BASP1: variants seen among roughly 807,000 people sequenced by gnomAD.
The protein encoded by BASP1 is brain abundant membrane attached signal protein 1.
In BASP1, 1 loss-of-function variant was observed where a neutral mutation model predicts 2.2. That is an observed-to-expected ratio of 0.46 (90% CI 0.16 to 2.17). The LOEUF is 2.17. Among genes scored for constraint, BASP1 ranks in the 30% most tolerant of loss-of-function variants. The probability of loss-of-function intolerance (pLI) is 0.27; values close to 1 mark genes in which losing one functional copy is unlikely to be tolerated. For missense variants in BASP1, 352 were observed against 327.2 expected (o/e 1.08, Z -0.58); for synonymous variants, 187 against 154.2 (o/e 1.21, Z -1.58).
At chr5:17,263,753 T>C (rs983578031) in intron 1 of BASP1, among the ~76,000 whole-genome samples, 1 of 152,244 alleles carries the variant, frequency 6.6e-6, no homozygotes, top group Non-Finnish European at 1.5e-5. Context: ...TTGTTGCATA[T>C]CTTTATCATA....
At chr5:17,274,288 A>ACTGGCTTTTT (rs1169470336) in intron 1 of BASP1, among the ~76,000 whole-genome samples, 37 of 152,226 alleles carry the variant, frequency 2.4e-4, no homozygotes, top group South Asian at 6.2e-4. Flanking sequence ...TATGTCAGAC[A>ACTGGCTTTTT]CAGCCAGCAA....
At chr5:17,229,403 G>T (rs1739576348) in intron 1 of BASP1, among the ~76,000 whole-genome samples, 1 of 152,146 alleles carries the variant, frequency 6.6e-6, no homozygotes. Context: ...GAGGGGAGGG[G>T]AAAGAAAGCC....
intron 1 of BASP1, among the ~76,000 whole-genome samples, chr5:17,264,678 A>G (rs1285696006): frequency 2.6e-5 from 4 of 152,222 alleles, no homozygotes; most frequent in African/African-American, 4.8e-5. Context: ...TGAAGCTGCA[A>G]TCAAACCAGA....
chr5:17,255,013 A>C (rs977195980), intron 1 of BASP1, among the ~76,000 whole-genome samples: 2 of 152,198 alleles, frequency 1.3e-5, no homozygotes, highest in African/African-American at 2.4e-5. Flanking sequence ...CTTCGAACTG[A>C]CGAAGGTGTA....
chr5:17,227,244 C>G (rs1428033963), intron 1 of BASP1, among the ~76,000 whole-genome samples: 2 of 117,994 alleles, frequency 1.7e-5, no homozygotes, highest in Non-Finnish European at 3.6e-5. Flanking sequence ...TCTTTTTAGA[C>G]AGTCTCACTC....
chr5:17,230,388 C>A (rs920508259), intron 1 of BASP1, among the ~76,000 whole-genome samples: 1 of 151,926 alleles, frequency 6.6e-6, no homozygotes, highest in East Asian at 1.9e-4. Flanking sequence ...AAGTGTGTGT[C>A]GGGAATCATG....
chr5:17,252,979 G>T (rs1740131430), intron 1 of BASP1, among the ~76,000 whole-genome samples: 1 of 152,138 alleles, frequency 6.6e-6, no homozygotes, highest in South Asian at 2.1e-4. Context: ...CTGATAATAG[G>T]TCAATGAATG....
chr5:17,227,181 G>C (rs1235017124), intron 1 of BASP1, among the ~76,000 whole-genome samples: 1 of 150,508 alleles, frequency 6.6e-6, no homozygotes, highest in Non-Finnish European at 1.5e-5. Context: ...CACCTGTCTT[G>C]GCCTCCCAAA....
chr5:17,273,173 T>A (rs984438750), intron 1 of BASP1, among the ~76,000 whole-genome samples: 1 of 152,210 alleles, frequency 6.6e-6, no homozygotes, highest in Non-Finnish European at 1.5e-5. Context: ...TACTGACTAG[T>A]TAAGAATTCA....
intron 1 of BASP1, among the ~76,000 whole-genome samples, chr5:17,273,502 C>T (rs1363157003): frequency 6.6e-6 from 1 of 152,080 alleles, no homozygotes; most frequent in Admixed American, 6.6e-5. Flanking sequence ...CTTTTCTCTT[C>T]CCCCAACTAC....
intron 1 of BASP1, among the ~76,000 whole-genome samples, chr5:17,242,220 T>G (rs1479031760): frequency 6.6e-6 from 1 of 152,232 alleles, no homozygotes; most frequent in African/African-American, 2.4e-5. Context: ...GATCAATGAC[T>G]CAGTTGTTAT....
At chr5:17,256,727 T>C (rs896447956) in intron 1 of BASP1, among the ~76,000 whole-genome samples, 1 of 152,186 alleles carries the variant, frequency 6.6e-6, no homozygotes, top group Non-Finnish European at 1.5e-5. Context: ...TGAATGATAT[T>C]GGCTGCTTTT....
chr5:17,241,742 G>A (rs1332263721), intron 1 of BASP1, among the ~76,000 whole-genome samples: 1 of 152,172 alleles, frequency 6.6e-6, no homozygotes, highest in Non-Finnish European at 1.5e-5. Context: ...GTCCCTCGAT[G>A]TTCTCTCCTG....
At chr5:17,227,261 C>T (rs575649965) in intron 1 of BASP1, among the ~76,000 whole-genome samples, 15 of 151,738 alleles carry the variant, frequency 9.9e-5, no homozygotes, top group Non-Finnish European at 1.3e-4. Flanking sequence ...ACTCTGTCGC[C>T]CAGGCTGGAG....
At chr5:17,230,046 C>G (rs1036555164) in intron 1 of BASP1, among the ~76,000 whole-genome samples, 8 of 152,148 alleles carry the variant, frequency 5.3e-5, no homozygotes, top group African/African-American at 1.9e-4. Context: ...GCTACCGCAC[C>G]TGGCCCAGAC....
chr5:17,240,606 A>G (rs1483099325), intron 1 of BASP1: 1 of 152,180 alleles, frequency 6.6e-6, no homozygotes, highest in East Asian at 1.9e-4. Context: ...AAAAAGAGAA[A>G]TAATGTGCCC....
chr5:17,250,847 G>T (rs1388530360), intron 1 of BASP1, among the ~76,000 whole-genome samples: 1 of 151,838 alleles, frequency 6.6e-6, no homozygotes, highest in Non-Finnish European at 1.5e-5. Flanking sequence ...CTCGTGATCC[G>T]CCCGCCTCGG....
At chr5:17,264,613 T>G (rs1740379383) in intron 1 of BASP1, among the ~76,000 whole-genome samples, 1 of 152,222 alleles carries the variant, frequency 6.6e-6, no homozygotes, top group Non-Finnish European at 1.5e-5. Flanking sequence ...TTTTTTCTGA[T>G]TATAAGATGG....
intron 1 of BASP1, among the ~76,000 whole-genome samples, chr5:17,262,096 C>G (rs1313962528): frequency 6.6e-6 from 1 of 152,140 alleles, no homozygotes; most frequent in Non-Finnish European, 1.5e-5. Flanking sequence ...CTTTTCCTTT[C>G]TAACTCCTAC....
Sources: gnomAD v4.1 joint callset for allele counts (sites outside exome capture counted in the v4.1 genomes callset) on GRCh38, gnomAD v4.1.1 for gene constraint, MANE v1.5 for transcripts, NCBI Gene and HGNC (gene_info 2026-07-23, HGNC 2026-07-21) for gene names.